The following SNRNP70 variants were observed in gnomAD, a reference collection of about 807,000 sequenced individuals.
SNRNP70 encodes small nuclear ribonucleoprotein U1 subunit 70, also known as U1 small nuclear ribonucleoprotein 70 kDa.
SNRNP70 carries 8 observed loss-of-function variants against 50.5 expected under a neutral mutation model. The ratio of observed to expected loss-of-function variants is 0.16; its 90% CI spans 0.09 to 0.29. The LOEUF is 0.29. Among genes scored for constraint, SNRNP70 ranks in the 10% least tolerant of loss-of-function variants. The pLI is 1.00. For missense variants in SNRNP70, 529 were observed against 663.5 expected, an observed-to-expected ratio of 0.80 and a Z score of 2.23; for synonymous variants, 320 against 252.9, an observed-to-expected ratio of 1.27 and a Z score of -2.52.
At position 49,086,388 on chromosome 19, in the gene SNRNP70, C is replaced by G. The variant is rs1450864545; in HGVS notation, c.-10-17C>G. 17 of 1,608,468 alleles carry G rather than the reference C, an allele frequency of 1.1e-5. No individual in the cohort carries two copies. Among genetic ancestry groups the G allele is most frequent in the East Asian group, 2.2e-5 (1 of 44,862 alleles). ...CAGACCCGATCTAACCTAAGGCTGT[C>G]CTGCTTCTGCTCTCAGACTTGGCAA... On this transcript the variant is annotated splice_polypyrimidine_tract_variant and intron_variant, in intron 1 of 9. Transcript: ENST00000598441.
At chr19:49,088,591 G>T (rs1046742463) in intron 2 of SNRNP70, among the ~76,000 whole-genome samples, 2 of 149,836 alleles carry the variant, frequency 1.3e-5, no homozygotes, top group Non-Finnish European at 3.0e-5. Flanking sequence ...CCACCTCCCG[G>T]GTTCAAAGGA....
Position 49,086,391 on chromosome 19 carries a change from G to C in SNRNP70, c.-10-14G>C. ...ACCCGATCTAACCTAAGGCTGTCCTGCTTCTGCTCTCAGACTTGGCAAGAT... is the reference window on the plus strand; with the variant it reads ...ACCCGATCTAACCTAAGGCTGTCCTCCTTCTGCTCTCAGACTTGGCAAGAT... On this transcript the variant is annotated splice_polypyrimidine_tract_variant and intron_variant, in intron 1 of 9. Coordinates refer to ENST00000598441, the MANE Select transcript of SNRNP70 (RefSeq NM_003089.6). 1 of 1,609,622 alleles carries C rather than the reference G, an allele frequency of 6.2e-7. No individual in the cohort carries two copies. Among genetic ancestry groups the C allele is most frequent in the Non-Finnish European group, 8.5e-7 (1 of 1,177,414 alleles).
intron 4 of SNRNP70, among the ~76,000 whole-genome samples, chr19:49,096,831 T>G (rs2040519643): frequency 6.6e-6 from 1 of 151,574 alleles, no homozygotes; most frequent in Admixed American, 6.6e-5. Flanking sequence ...TTAAATTCTC[T>G]CATAAGAAAC....
chr19:49,108,458 C>T lies in SNRNP70; in HGVS notation c.*15C>T, dbSNP rs747309868. 7.6e-6 allele frequency: 12 copies of T among 1,581,286 alleles called. No homozygotes were observed. In the African/African-American group the frequency reaches 1.4e-4, roughly 18 times the overall value. On this transcript the variant is annotated 3_prime_UTR_variant, in exon 10 of 10. Transcript: ENST00000598441. ...CGCCGGAGTGAAGAGGTCGTCCTCT[C>T]CATCTGCTGTGTTTGGACGCGTTCC...
chr19:49,101,255 C>A, intron 6 of SNRNP70, 135 bp from the exon 7 acceptor site: 1 of 672,670 alleles, frequency 1.5e-6, no homozygotes, highest in Non-Finnish European at 2.7e-6. Flanking sequence ...GAACATAAGT[C>A]ACTCAGGGCT....
intron 6 of SNRNP70, among the ~76,000 whole-genome samples, chr19:49,098,917 G>T (rs2040546225): frequency 6.6e-6 from 1 of 152,206 alleles, no homozygotes. Flanking sequence ...GAGAGCAGGG[G>T]TTGGCAAACT....
In SNRNP70 at chr19:49,107,702, T is replaced by C; in HGVS notation, c.655T>C (p.Tyr219His). The change falls in exon 9 of 10, where the codon TAC (tyrosine) becomes CAC (histidine). Residue 219 changes from tyrosine to histidine, a missense_variant. Coordinates refer to ENST00000598441, the MANE Select transcript of SNRNP70 (RefSeq NM_003089.6). This position sits in a 1 kb window ranked among gnomAD's most constrained non-coding sequence, Gnocchi z 6.0. ...RHSGRDDTSR[Y>H]DERPGPSPLP... The stretch of plus-strand genomic sequence containing the variant: ...TTCAGGCCGCGATGACACCTCCCGC[T>C]ACGATGAGAGGTAAGATTGGGCGAC... 6.2e-7 allele frequency: 1 copy of C among 1,613,856 alleles called. No individual in the cohort carries two copies. Among genetic ancestry groups the C allele is most frequent in the Non-Finnish European group, 8.5e-7 (1 of 1,179,954 alleles).
rs1173563322 is a variant in SNRNP70, at chr19:49,104,980, C to T, written c.577+245C>T. Among the ~76,000 whole-genome samples the T allele has an allele frequency of 6.6e-6, 1 of 152,184 alleles. No homozygotes were observed. Among genetic ancestry groups the T allele is most frequent in the Non-Finnish European group, 1.5e-5 (1 of 68,032 alleles). On this transcript the variant is annotated intron_variant, in intron 8 of 9. Coordinates refer to ENST00000598441, the MANE Select transcript of SNRNP70 (RefSeq NM_003089.6). This position sits in a 1 kb window ranked among gnomAD's most constrained non-coding sequence, Gnocchi z 5.4. ...GCCTGAGCCCACATGCTGGCGTCCG[C>T]CCTTGCTAGCTGGGGGTCCCCTTTT...
chr19:49,100,548 C>T (rs1471183887), intron 6 of SNRNP70, among the ~76,000 whole-genome samples: 2 of 152,032 alleles, frequency 1.3e-5, no homozygotes, highest in Non-Finnish European at 2.9e-5. Context: ...GGCTCACGCC[C>T]GTAATCCCAG....
chr19:49,099,752 AG>A (rs1333907463), intron 6 of SNRNP70, among the ~76,000 whole-genome samples: 6 of 148,762 alleles, frequency 4.0e-5, no homozygotes, highest in Admixed American at 2.7e-4. Context: ...AAAAAAAAAA[AG>A]TATTGTAGGC....
At chr19:49,101,240 C>G in intron 6 of SNRNP70, 150 bp from the exon 7 acceptor site, 2 of 647,632 alleles carry the variant, frequency 3.1e-6, no homozygotes, top group East Asian at 5.5e-5. Context: ...CTGCTCCTGC[C>G]ATTAGAACAT....
chr19:49,098,328 A>G (rs1267259367), intron 4 of SNRNP70, 99 bp from the exon 5 acceptor site: 14 of 988,898 alleles, frequency 1.4e-5, no homozygotes, highest in East Asian at 9.6e-5. Context: ...GCCTCTCCCA[A>G]TGCCACCGTT....
intron 7 of SNRNP70, chr19:49,102,468 T>C (rs1160636040): frequency 3.8e-6 from 1 of 264,084 alleles, no homozygotes; most frequent in Non-Finnish European, 7.8e-6. Context: ...CTTCGTGATG[T>C]CAGCGGCGAG....
At position 49,107,601 on chromosome 19, in the gene SNRNP70, C is replaced by T. The variant is rs1391408337; in HGVS notation, c.578-24C>T. 2 of 1,610,454 alleles carry T rather than the reference C, an allele frequency of 1.2e-6. No homozygotes were observed. On this transcript the variant is annotated intron_variant, in intron 8 of 9. Coordinates refer to ENST00000598441, the MANE Select transcript of SNRNP70 (RefSeq NM_003089.6). This position sits in a 1 kb window ranked among gnomAD's most constrained non-coding sequence, Gnocchi z 6.0. ...GGCCCTGTCCCTGCCCAGATTCACC[C>T]TCTGTCCGTCTGCCCTGCCCCAGGA...
chr19:49,105,590 G>C (rs1242014602), intron 8 of SNRNP70, among the ~76,000 whole-genome samples: 1 of 152,184 alleles, frequency 6.6e-6, no homozygotes, highest in Non-Finnish European at 1.5e-5. Flanking sequence ...AACTGGGCGT[G>C]GTGGCGGGTG....
rs1170157259 is a variant in SNRNP70, at chr19:49,108,500, G to A, written c.*57G>A. 2 of 1,538,196 alleles carry A rather than the reference G, an allele frequency of 1.3e-6. No homozygotes were observed. Among genetic ancestry groups the A allele is most frequent in the Non-Finnish European group, 1.8e-6 (2 of 1,141,314 alleles). ...ACGCGTTCCTGCCCAGCCCCTTGCT[G>A]TCATCCCCTCCCCCAACCTTGGCCA... is the stretch of plus-strand genomic sequence containing the variant. On this transcript the variant is annotated 3_prime_UTR_variant, in exon 10 of 10. Transcript: ENST00000598441.
chr19:49,098,567 A>G (rs1181403217), intron 5 of SNRNP70, 75 bp from the exon 6 acceptor site: 4 of 1,591,302 alleles, frequency 2.5e-6, no homozygotes, highest in Non-Finnish European at 3.5e-6. Flanking sequence ...CAAATAGGCT[A>G]GGTACAGGGG....
chr19:49,097,927 A>T (rs74730741), intron 4 of SNRNP70, among the ~76,000 whole-genome samples: 3,533 of 152,288 alleles, frequency 0.023, 160 homozygotes, highest in East Asian at 0.17. Flanking sequence ...CCTGGCTCTC[A>T]TTCTTAGCCT....
chr19:49,108,106 C>A lies in SNRNP70; in HGVS notation c.977C>A (p.Pro326His). ...GAGCCCTCCGAGGCGGGTGACGCGCCCCCTGATGATGGGCCTCCAGGGGAG... is the reference window on the plus strand; with the variant it reads ...GAGCCCTCCGAGGCGGGTGACGCGCACCCTGATGATGGGCCTCCAGGGGAG... ...MAEPSEAGDA[P>H]PDDGPPGELG... Residue 326 changes from proline to histidine, a missense_variant, in exon 10 of 10, where the codon CCC becomes CAC. Pro to His is a moderately conservative substitution (Grantham distance 77, BLOSUM62 -2). Around this residue, in one of 4 missense-constraint regions of SNRNP70, gnomAD observed 327 missense variants for 308.8 expected, o/e 1.06. Transcript: ENST00000598441. 1 of 1,550,256 alleles carries A rather than the reference C, an allele frequency of 6.5e-7. No individual in the cohort carries two copies. The highest frequency in any genetic ancestry group is 2.4e-5 in the East Asian group (1 of 42,346).
Sources: allele counts gnomAD v4.1 joint callset (sites outside exome capture counted in the v4.1 genomes callset), GRCh38; gene constraint gnomAD v4.1.1; regional missense constraint gnomAD v4.1.1; non-coding constraint Gnocchi (gnomAD v3.1); transcripts MANE v1.5; gene names NCBI Gene and HGNC (gene_info 2026-07-23, HGNC 2026-07-21).